The following TMEM181 variants were observed in gnomAD, a reference collection of about 807,000 sequenced individuals.
TMEM181 encodes transmembrane protein 181, also known as G protein-coupled receptor 178.
Under a neutral mutation model 71.9 loss-of-function variants are expected in TMEM181, and 39 were observed. The observed-to-expected ratio is 0.54, with a 90% CI of 0.42 to 0.71. The LOEUF is 0.71. Among genes scored for constraint, TMEM181 ranks in the 30% least tolerant of loss-of-function variants. The pLI is 0.00. For synonymous variants in TMEM181, 245 were observed against 228.8 expected, an observed-to-expected ratio of 1.07 and a Z score of -0.64; for missense variants, 595 against 583.0, an observed-to-expected ratio of 1.02 and a Z score of -0.21.
chr6:158,582,490 CTG>C (rs1454689799), intron 3 of TMEM181, among the ~76,000 whole-genome samples: 1 of 152,104 alleles, frequency 6.6e-6, no homozygotes, highest in Non-Finnish European at 1.5e-5. Context: ...CATAGGGAGA[CTG>C]TGTCTCTACA....
chr6:158,595,957 T>C (rs1343146976), intron 6 of TMEM181, among the ~76,000 whole-genome samples: 2 of 152,206 alleles, frequency 1.3e-5, no homozygotes, highest in Non-Finnish European at 2.9e-5. Flanking sequence ...AGTCTTGCTC[T>C]GTCACCCTGG....
chr6:158,589,889 A>G, intron 6 of TMEM181, 107 bp downstream of exon 6: 1 of 820,436 alleles, frequency 1.2e-6, no homozygotes, highest in Non-Finnish European at 1.9e-6. Context: ...TAATTTGGAC[A>G]GTGGAGGACT....
At chr6:158,609,407 C>T (rs1189349035) in intron 10 of TMEM181, among the ~76,000 whole-genome samples, 14 of 152,032 alleles carry the variant, frequency 9.2e-5, no homozygotes, top group Non-Finnish European at 1.5e-4. Context: ...GATTGGCAAA[C>T]TCATTGTACC....
chr6:158,580,518 T>C (rs1452506084), intron 2 of TMEM181, among the ~76,000 whole-genome samples: 3 of 152,248 alleles, frequency 2.0e-5, no homozygotes, highest in African/African-American at 7.2e-5. Context: ...TAAGTATTTT[T>C]GGAAGACGGG....
At chr6:158,536,789 C>G (rs761783757) in exon 1 of TMEM181, 2 of 1,568,028 alleles carry the variant, frequency 1.3e-6, no homozygotes, top group Non-Finnish European at 1.7e-6. Flanking sequence ...GCTCAAGCAC[C>G]TGTGCCGGCG....
rs372941133 is a variant in TMEM181, at chr6:158,623,707, A to G, written c.954+100A>G. On this transcript the variant is annotated intron_variant, in intron 11 of 16. Coordinates refer to ENST00000684151, the MANE Select transcript of TMEM181 (RefSeq NM_001376852.1). ...AATTGTTCTGTTGAGCTTTTTGCTA[A>G]CTGACTACTTGGGAAGGACTACATA... The G allele has an allele frequency of 9.8e-5, 81 of 828,134 alleles. No individual in the cohort carries two copies. The South Asian group carries it at 1.5e-3, about 15-fold the overall frequency. 51.3% of individuals were successfully genotyped at this position (828,134 alleles called of 1,614,324 possible).
chr6:158,563,736 G>A (rs996514490), intron 1 of TMEM181, among the ~76,000 whole-genome samples: 1 of 152,220 alleles, frequency 6.6e-6, no homozygotes, highest in Non-Finnish European at 1.5e-5. Context: ...ACCAGTCCTT[G>A]GGTAGCTTAG....
intron 15 of TMEM181, among the ~76,000 whole-genome samples, chr6:158,630,218 A>G (rs1786583042): frequency 1.3e-5 from 2 of 152,164 alleles, no homozygotes; most frequent in African/African-American, 4.8e-5. Context: ...ACCATTTATT[A>G]CAAAACAGGC....
intron 6 of TMEM181, among the ~76,000 whole-genome samples, chr6:158,601,018 A>G (rs974298204): frequency 1.3e-5 from 2 of 152,168 alleles, no homozygotes; most frequent in Admixed American, 6.5e-5. Flanking sequence ...TTGTTCGACT[A>G]AGACGTAGTA....
chr6:158,597,859 A>G (rs967348020), intron 6 of TMEM181, among the ~76,000 whole-genome samples: 1 of 152,048 alleles, frequency 6.6e-6, no homozygotes, highest in Non-Finnish European at 1.5e-5. Context: ...AGTCCTTATG[A>G]CTTAATCACT....
At chr6:158,629,381 T>G (rs1372630549) in intron 14 of TMEM181, among the ~76,000 whole-genome samples, 2 of 152,202 alleles carry the variant, frequency 1.3e-5, no homozygotes, top group Non-Finnish European at 2.9e-5. Flanking sequence ...AGACCTTGAT[T>G]CACCGTATGC....
intron 1 of TMEM181, among the ~76,000 whole-genome samples, chr6:158,550,040 A>G (rs1781669272): frequency 6.7e-6 from 1 of 148,936 alleles, no homozygotes; most frequent in South Asian, 2.1e-4. Context: ...ATCTTTCTCC[A>G]AAAGCATCAC....
At position 158,620,686 on chromosome 6, in the gene TMEM181, G is replaced by A. The variant is rs555485921; in HGVS notation, c.897-2864G>A. On this transcript the variant is annotated intron_variant, in intron 10 of 16. Coordinates refer to ENST00000684151, the MANE Select transcript of TMEM181 (RefSeq NM_001376852.1). The surrounding 1 kb of genome is among the most constrained non-coding windows in gnomAD (Gnocchi z 4.5). ...TGTCCTCGCACAAATTGCTGGAAGA[G>A]TGAAGTGAGAGAAAAGATGGGGTGC... Among the ~76,000 whole-genome samples, 189 of 151,848 alleles carry A rather than the reference G, an allele frequency of 1.2e-3. No individual in the cohort carries two copies. The highest frequency in any genetic ancestry group is 2.4e-3 in the Non-Finnish European group (161 of 67,926).
intron 6 of TMEM181, among the ~76,000 whole-genome samples, chr6:158,604,344 GTGT>G (rs1784829548): frequency 6.6e-6 from 1 of 152,200 alleles, no homozygotes; most frequent in Admixed American, 6.5e-5. Flanking sequence ...GCGTGTGTGT[GTGT>G]GTGTGCGTGA....
intron 10 of TMEM181, chr6:158,611,254 T>G (rs1348890150): frequency 2.0e-6 from 1 of 497,586 alleles, no homozygotes; most frequent in East Asian, 5.8e-5. Flanking sequence ...CACTCCTGGC[T>G]GTTCCTTCTC....
chr6:158,589,578 C>G, intron 5 of TMEM181, 94 bp from the exon 6 acceptor site: 4 of 888,054 alleles, frequency 4.5e-6, no homozygotes, highest in Non-Finnish European at 7.3e-6. Flanking sequence ...ATGAGTTCTG[C>G]CCATCTGCTG....
At chr6:158,607,561 T>C (rs1562304581) in intron 8 of TMEM181, among the ~76,000 whole-genome samples, 2 of 152,064 alleles carry the variant, frequency 1.3e-5, no homozygotes, top group Non-Finnish European at 2.9e-5. Context: ...TCCCAACTGC[T>C]TGGGAGGCTG....
intron 10 of TMEM181, among the ~76,000 whole-genome samples, chr6:158,618,122 T>C (rs1785722900): frequency 6.6e-6 from 1 of 151,218 alleles, no homozygotes; most frequent in Admixed American, 6.6e-5. Flanking sequence ...TAAGTCTCTT[T>C]GTAGGTCTCT....
intron 6 of TMEM181, among the ~76,000 whole-genome samples, chr6:158,590,214 C>A (rs1216660620): frequency 1.3e-5 from 2 of 152,096 alleles, no homozygotes; most frequent in East Asian, 1.9e-4. Context: ...GTATAACCAG[C>A]ATAGTGATGA....
Sources: allele counts gnomAD v4.1 joint callset (sites outside exome capture counted in the v4.1 genomes callset), GRCh38; gene constraint gnomAD v4.1.1; non-coding constraint Gnocchi (gnomAD v3.1); transcripts MANE v1.5; gene names NCBI Gene and HGNC (gene_info 2026-07-23, HGNC 2026-07-21).